The following COPG2 variants were observed in gnomAD, a reference collection of about 807,000 sequenced individuals.
COPG2 encodes the protein coat protein complex I subunit gamma 2.
In COPG2, 37 loss-of-function variants were observed where a neutral mutation model predicts 46.3. The observed-to-expected ratio is 0.80, with a 90% CI of 0.61 to 1.05. The LOEUF is 1.05. Ranked by LOEUF, COPG2 falls within the 50% of genes least tolerant of loss-of-function variation. The pLI, the probability that COPG2 is intolerant of heterozygous loss-of-function variation, is 0.00. For missense variants in COPG2, 427 were observed against 387.8 expected, an observed-to-expected ratio of 1.10 and a Z score of -0.85; for synonymous variants, 159 against 129.7, an observed-to-expected ratio of 1.23 and a Z score of -1.53.
intron 5 of COPG2, among the ~76,000 whole-genome samples, chr7:130,643,078 T>C (rs1445724225): frequency 2.6e-5 from 4 of 151,636 alleles, no homozygotes; most frequent in Non-Finnish European, 5.9e-5. Flanking sequence ...GGGCGGATCA[T>C]GAGGTCAGGA....
At chr7:130,643,681 C>T (rs782482173) in intron 5 of COPG2, among the ~76,000 whole-genome samples, 16 of 152,028 alleles carry the variant, frequency 1.1e-4, no homozygotes, top group Non-Finnish European at 1.9e-4. Flanking sequence ...TAACAAGCTA[C>T]GCATCGTGGT....
chr7:130,600,773 A>G (rs1375539170), intron 9 of COPG2, among the ~76,000 whole-genome samples: 1 of 152,118 alleles, frequency 6.6e-6, no homozygotes, highest in Admixed American at 6.5e-5. Flanking sequence ...GCCTCTTTTA[A>G]TATGTAAATT....
chr7:130,551,086 T>C (rs1793529692), intron 16 of COPG2, among the ~76,000 whole-genome samples, 155 bp downstream of exon 16: 1 of 147,752 alleles, frequency 6.8e-6, no homozygotes, highest in South Asian at 2.1e-4. Flanking sequence ...AATTAGAAAA[T>C]ATCCTATAAA....
chr7:130,560,708 G>A (rs1356884918), intron 12 of COPG2, among the ~76,000 whole-genome samples: 2 of 152,230 alleles, frequency 1.3e-5, no homozygotes, highest in Admixed American at 6.5e-5. Context: ...CACTCCAACA[G>A]GGAAAAGGAA....
rs1554452197 is a variant in COPG2 at position 130,612,172 on chromosome 7, T to C, written c.559A>G (p.Ser187Gly). 2.5e-6 allele frequency: 4 copies of C among 1,610,996 alleles called. No homozygotes were observed. Among genetic ancestry groups the C allele is most frequent in the Non-Finnish European group, 3.4e-6 (4 of 1,178,190 alleles). ...AATACCTGGACCATAATATTATCAC[T>C]TGATGCAGCTTCTTGGGCTTCATTG... Reference protein sequence around the residue: ...WINEAQEAASSDNIMVQYHAL... With the variant: ...WINEAQEAASGDNIMVQYHAL... Residue 187 changes from serine to glycine, a missense_variant, in exon 8 of 24, where the codon AGT (serine) becomes GGT (glycine). Ser to Gly is a moderately conservative substitution (Grantham distance 56). Coordinates refer to ENST00000425248, the MANE Select transcript of COPG2 (RefSeq NM_012133.6).
chr7:130,510,509 G>A (rs1218365903), intron 20 of COPG2, among the ~76,000 whole-genome samples: 1 of 152,188 alleles, frequency 6.6e-6, no homozygotes, highest in Non-Finnish European at 1.5e-5. Context: ...TAGCAACCCA[G>A]TGTGGTTCCA....
chr7:130,614,247 AAG>A (rs1176336594), intron 6 of COPG2, among the ~76,000 whole-genome samples: 1 of 152,232 alleles, frequency 6.6e-6, no homozygotes, highest in Non-Finnish European at 1.5e-5. Flanking sequence ...AGATGAAAAA[AAG>A]AGTTTTATTG....
At chr7:130,602,163 T>C (rs1794647283) in intron 9 of COPG2, among the ~76,000 whole-genome samples, 1 of 152,210 alleles carries the variant, frequency 6.6e-6, no homozygotes, top group Admixed American at 6.5e-5. Context: ...TTTGGTCCAA[T>C]ATACCACATA....
intron 9 of COPG2, among the ~76,000 whole-genome samples, chr7:130,573,215 A>G (rs1793939872): frequency 2.4e-5 from 2 of 82,710 alleles, no homozygotes; most frequent in African/African-American, 7.8e-5. Flanking sequence ...TCACACCTCA[A>G]AAAAAAAAAA....
At chr7:130,508,904 TG>T in intron 20 of COPG2, 1 of 546,162 alleles carries the variant, frequency 1.8e-6, no homozygotes, top group South Asian at 1.8e-5. Flanking sequence ...ATGGGCAGAC[TG>T]TTTCTCTATT....
At chr7:130,646,958 C>CATATATATGTGTATATATATATATGCAT (rs1795610426) in intron 5 of COPG2, among the ~76,000 whole-genome samples, 1 of 137,148 alleles carries the variant, frequency 7.3e-6, no homozygotes, top group East Asian at 2.1e-4. Context: ...TATATATATG[C>CATATATATGTGTATATATATATATGCAT]ATATATATAT....
intron 23 of COPG2, 52 bp downstream of exon 23, chr7:130,507,222 A>G (rs1381977189): frequency 5.1e-6 from 4 of 778,836 alleles, no homozygotes; most frequent in South Asian, 2.7e-5. Flanking sequence ...TCTATATCCT[A>G]TTATTAAGCT....
chr7:130,631,343 AGATGG>A (rs1237324811), intron 5 of COPG2, among the ~76,000 whole-genome samples: 1 of 151,726 alleles, frequency 6.6e-6, no homozygotes, highest in Non-Finnish European at 1.5e-5. Context: ...TTCTTAGTAG[AGATGG>A]GGTTTCGCCA....
intron 4 of COPG2, among the ~76,000 whole-genome samples, chr7:130,656,626 G>A (rs1795859077): frequency 6.6e-6 from 1 of 151,990 alleles, no homozygotes; most frequent in Admixed American, 6.6e-5. Flanking sequence ...CATTTAAGGA[G>A]ATCACAAGAA....
At position 130,607,682 on chromosome 7, in the gene COPG2, G is replaced by A. The variant is rs1374542847; in HGVS notation, c.737+3271C>T. The A allele has an allele frequency of 9.6e-6, 5 of 519,434 alleles. No individual in the cohort carries two copies. In the East Asian group the frequency reaches 2.2e-4, roughly 23 times the overall value. 32.2% of individuals were successfully genotyped at this position (519,434 alleles called of 1,614,324 possible). A position where few individuals can be genotyped will look rare whatever the true frequency, so the allele number is the denominator to read the frequency against. The stretch of plus-strand genomic sequence containing the variant: ...TTGTAGAGTTTAAAATTCATTTTGA[G>A]ACTCATTCCTTTTATGGCTCCCTCT... On this transcript the variant is annotated intron_variant, in intron 9 of 23. Transcript: ENST00000425248.
intron 5 of COPG2, among the ~76,000 whole-genome samples, chr7:130,636,469 G>A (rs185020727): frequency 1.8e-3 from 271 of 150,790 alleles, no homozygotes; most frequent in Non-Finnish European, 3.3e-3. Context: ...ATTATGTAAT[G>A]CCTTTCTTTG....
intron 9 of COPG2, among the ~76,000 whole-genome samples, chr7:130,569,856 C>T (rs1186932245): frequency 1.3e-5 from 2 of 152,108 alleles, no homozygotes; most frequent in East Asian, 3.9e-4. Flanking sequence ...AGATATCCAC[C>T]ATGACCAAGT....
At chr7:130,515,320 G>A (rs1336581520) in intron 20 of COPG2, among the ~76,000 whole-genome samples, 2 of 152,084 alleles carry the variant, frequency 1.3e-5, no homozygotes, top group Non-Finnish European at 2.9e-5. Flanking sequence ...CACTTCACAG[G>A]AGAAAGATAG....
intron 9 of COPG2, among the ~76,000 whole-genome samples, chr7:130,582,546 C>CA (rs1223772878): frequency 6.6e-6 from 1 of 151,592 alleles, no homozygotes; most frequent in Non-Finnish European, 1.5e-5. Context: ...AAACTACCAT[C>CA]AGAGTGAACA....
Sources: allele counts gnomAD v4.1 joint callset (sites outside exome capture counted in the v4.1 genomes callset), GRCh38; gene constraint gnomAD v4.1.1; transcripts MANE v1.5; gene names NCBI Gene and HGNC (gene_info 2026-07-23, HGNC 2026-07-21).